The following AK3 variants were observed in gnomAD, a reference collection of about 807,000 sequenced individuals.
The protein encoded by AK3 is adenylate kinase 3.
Under a neutral mutation model 23.7 loss-of-function variants are expected in AK3, and 27 were observed. The observed-to-expected ratio is 1.14, with a 90% CI of 0.84 to 1.57. AK3 has a LOEUF of 1.57. Among genes scored for constraint, AK3 ranks in the 40% most tolerant of loss-of-function variants. AK3 has a pLI of 0.00. For missense variants in AK3, 406 were observed against 285.6 expected, an observed-to-expected ratio of 1.42 and a Z score of -3.04; for synonymous variants, 159 against 116.0, an observed-to-expected ratio of 1.37 and a Z score of -2.38.
At position 4,724,784 on chromosome 9, in the gene AK3, GAA is replaced by G. The variant is rs57816233; in HGVS notation, c.152-2161_152-2160del. On this transcript the variant is annotated intron_variant, in intron 1 of 4. Coordinates refer to ENST00000381809, the MANE Select transcript of AK3 (RefSeq NM_016282.4). The stretch of plus-strand genomic sequence containing the variant: ...ACGGAGTGAGACCCTGTTTCAAAAA[GAA>G]AAAAAAAAAAATCATAGAATTGAAA... Among the ~76,000 whole-genome samples, 600 of 147,258 alleles carry G rather than the reference GAA, an allele frequency of 4.1e-3. 2 individuals are homozygous for G. The highest frequency in any genetic ancestry group is 0.013 in the African/African-American group (502 of 39,780).
At chr9:4,741,428 C>G (rs997276834), upstream of AK3, 134 of 230,436 alleles carry the variant, frequency 5.8e-4, no homozygotes, top group Non-Finnish European at 2.5e-5. Flanking sequence ...TCTCCACCGG[C>G]CGCTGGGCCC....
At chr9:4,734,945 C>T (rs397673) in intron 1 of AK3, among the ~76,000 whole-genome samples, 130,596 of 151,932 alleles carry the variant, frequency 0.86, 56,332 homozygotes, top group East Asian at 0.94. Flanking sequence ...ATGTCCAGTA[C>T]AGAAAACTCA....
chr9:4,719,518 T>A (rs533311669), intron 2 of AK3, among the ~76,000 whole-genome samples: 1 of 152,130 alleles, frequency 6.6e-6, no homozygotes, highest in Non-Finnish European at 1.5e-5. Flanking sequence ...TGCCCAGATA[T>A]TTGGCAAATA....
intron 1 of AK3, among the ~76,000 whole-genome samples, chr9:4,734,543 G>A (rs182442003): frequency 4.9e-4 from 74 of 152,284 alleles, no homozygotes; most frequent in African/African-American, 1.8e-3. Context: ...GATAGATGGA[G>A]AGACAAGCTC....
At chr9:4,714,000 A>C (rs1478923256) in intron 4 of AK3, among the ~76,000 whole-genome samples, 9 of 149,226 alleles carry the variant, frequency 6.0e-5, no homozygotes, top group South Asian at 2.1e-4. Context: ...ATATACGCCT[A>C]CACATATACA....
At chr9:4,721,342 G>T (rs1425367539) in intron 2 of AK3, among the ~76,000 whole-genome samples, 1 of 151,176 alleles carries the variant, frequency 6.6e-6, no homozygotes, top group Non-Finnish European at 1.5e-5. Flanking sequence ...GGAAGAGGTT[G>T]CAGTGAGAGG....
intron 4 of AK3, among the ~76,000 whole-genome samples, chr9:4,713,975 TTTAC>T (rs1841635417): frequency 2.3e-3 from 8 of 3,448 alleles, no homozygotes; most frequent in Middle Eastern, 0.05. Flanking sequence ...CACCTCCACA[TTTAC>T]ACACCTACAC....
At chr9:4,720,378 T>C (rs1173250374) in intron 2 of AK3, among the ~76,000 whole-genome samples, 1 of 152,118 alleles carries the variant, frequency 6.6e-6, no homozygotes, top group African/African-American at 2.4e-5. Context: ...AGAAATAATA[T>C]ATTTTCAAAA....
chr9:4,741,116 G>T lies in AK3; in HGVS notation c.-29C>A, dbSNP rs775899441. 1.5e-5 allele frequency: 22 copies of T among 1,486,458 alleles called. No homozygotes were observed. Among genetic ancestry groups the T allele is most frequent in the Admixed American group, 2.4e-5 (1 of 42,546 alleles). The allele number at this position is 1,486,458 out of a possible 1,614,324, so 92.1% of individuals were successfully genotyped here. On this transcript the variant is annotated 5_prime_UTR_variant, in exon 1 of 5. Transcript: ENST00000381809. The stretch of plus-strand genomic sequence containing the variant: ...CGCAGACTGAGGCCCGCACCGCGCG[G>T]GTACCAGGGCTTTGGCCTGGCCTGC...
chr9:4,727,371 T>C (rs1295671628), intron 1 of AK3, among the ~76,000 whole-genome samples: 1 of 152,222 alleles, frequency 6.6e-6, no homozygotes, highest in Non-Finnish European at 1.5e-5. Context: ...CCTTCATCAA[T>C]GATCTTAGCT....
At chr9:4,740,785 A>C (rs1842410492) in intron 1 of AK3, 152 bp downstream of exon 1, 1 of 1,043,644 alleles carries the variant, frequency 9.6e-7, no homozygotes, top group African/African-American at 1.7e-5. Context: ...TTTGGGGCGC[A>C]GTCGCTCAGC....
intron 4 of AK3, among the ~76,000 whole-genome samples, chr9:4,715,856 C>T (rs1841712256): frequency 6.6e-6 from 1 of 152,186 alleles, no homozygotes; most frequent in Non-Finnish European, 1.5e-5. Context: ...ATAACCTCTC[C>T]ACCAAACTCA....
chr9:4,714,143 TAC>T (rs1841652238), intron 4 of AK3, among the ~76,000 whole-genome samples: 8 of 16,108 alleles, frequency 5.0e-4, no homozygotes, highest in South Asian at 1.7e-3. Context: ...CCTACACATA[TAC>T]ACACCTCCAC....
intron 1 of AK3, among the ~76,000 whole-genome samples, chr9:4,734,697 T>G (rs116429105): frequency 0.018 from 2,766 of 152,318 alleles, 88 homozygotes; most frequent in African/African-American, 0.063. Flanking sequence ...TTTAAGTTAT[T>G]TAAACAAACT....
rs1392658163 is a variant in AK3 at position 4,709,723 on chromosome 9, T to C, written c.*3253A>G. ...GCACAGCTACACTATTTTAACTGTT[T>C]AAAAATTTTTTAACCATAACTTCCA... is the stretch of plus-strand genomic sequence containing the variant. On this transcript the variant is annotated 3_prime_UTR_variant, in exon 5 of 5. Coordinates refer to ENST00000381809, the MANE Select transcript of AK3 (RefSeq NM_016282.4). The C allele has an allele frequency of 6.6e-6, 1 of 152,228 alleles. No individual in the cohort carries two copies. Among genetic ancestry groups the C allele is most frequent in the African/African-American group, 2.4e-5 (1 of 41,452 alleles). The allele number at this position is 152,228 out of a possible 1,614,324, so 9.4% of individuals were successfully genotyped here. A position where few individuals can be genotyped will look rare whatever the true frequency, so the allele number is the denominator to read the frequency against.
chr9:4,717,051 C>G (rs1841755555), intron 4 of AK3, among the ~76,000 whole-genome samples: 2 of 152,196 alleles, frequency 1.3e-5, no homozygotes, highest in Non-Finnish European at 2.9e-5. Flanking sequence ...ATGCGTCAGG[C>G]CCAGTTCTAA....
In AK3 at chr9:4,741,075, C is replaced by A. The variant is rs201009389; in HGVS notation, c.13G>T (p.Ala5Ser). The A allele has an allele frequency of 2.1e-4, 320 of 1,545,804 alleles. No homozygotes were observed. Among genetic ancestry groups the A allele is most frequent in the Non-Finnish European group, 2.6e-4 (301 of 1,148,126 alleles). The part of the protein sequence containing the change: MGAS[A>S]RLLRAVIMGA... ...ATGATCACCGCTCGCAGCAGCCGCG[C>A]GGACGCCCCCATGGCCGCAGACTGA... is the stretch of plus-strand genomic sequence containing the variant. Residue 5 changes from alanine (A) to serine (S), a missense_variant, in exon 1 of 5, where the codon GCG (alanine) becomes TCG (serine). Ala to Ser is a moderately conservative substitution (Grantham distance 99). Coordinates refer to ENST00000381809, the MANE Select transcript of AK3 (RefSeq NM_016282.4).
intron 2 of AK3, among the ~76,000 whole-genome samples, chr9:4,721,892 G>A (rs1465669975): frequency 6.6e-6 from 1 of 152,218 alleles, no homozygotes; most frequent in Non-Finnish European, 1.5e-5. Flanking sequence ...CTTAGATAAA[G>A]CAAGCAAGTC....
At chr9:4,720,336 G>T (rs569507747) in intron 2 of AK3, among the ~76,000 whole-genome samples, 2 of 152,174 alleles carry the variant, frequency 1.3e-5, no homozygotes, top group East Asian at 3.9e-4. Context: ...AGGACATTTT[G>T]TCCAGAATAC....
Sources: allele counts gnomAD v4.1 joint callset (sites outside exome capture counted in the v4.1 genomes callset), GRCh38; gene constraint gnomAD v4.1.1; transcripts MANE v1.5; gene names NCBI Gene and HGNC (gene_info 2026-07-23, HGNC 2026-07-21).